Variants in LRP12 observed in about 807,000 individuals in gnomAD.
LRP12 encodes the protein low-density lipoprotein receptor-related protein 12.
In LRP12, 14 loss-of-function variants were observed where a neutral mutation model predicts 66.0. The ratio of observed to expected loss-of-function variants is 0.21; its 90% confidence interval spans 0.14 to 0.33. LRP12 has a LOEUF of 0.33. LRP12 is among the 10% of genes least tolerant of loss of function. LRP12 has a pLI of 1.00. For missense variants in LRP12, 889 were observed against 1,053.4 expected, an observed-to-expected ratio of 0.84 and a Z score of 2.16; for synonymous variants, 357 against 359.1, an observed-to-expected ratio of 0.99 and a Z score of 0.07.
At chr8:104,527,693 G>A (rs1470405199) in intron 2 of LRP12, among the ~76,000 whole-genome samples, 1 of 152,080 alleles carries the variant, frequency 6.6e-6, no homozygotes, top group Admixed American at 6.6e-5. Context: ...GGGGTAAGGG[G>A]AGCGAGGAGG....
intron 2 of LRP12, among the ~76,000 whole-genome samples, chr8:104,531,614 T>C (rs952560012): frequency 5.9e-5 from 9 of 152,100 alleles, no homozygotes; most frequent in Admixed American, 2.0e-4. Flanking sequence ...TAACTTTGTA[T>C]GGAAAGAAAA....
intron 1 of LRP12, among the ~76,000 whole-genome samples, chr8:104,579,376 G>A (rs960915589): frequency 2.6e-5 from 4 of 152,130 alleles, no homozygotes; most frequent in Admixed American, 6.5e-5. Flanking sequence ...TAACCAGGGA[G>A]GTGAAAGATC....
chr8:104,564,860 G>A (rs1294667161), intron 1 of LRP12, among the ~76,000 whole-genome samples: 1 of 151,860 alleles, frequency 6.6e-6, no homozygotes, highest in Non-Finnish European at 1.5e-5. Flanking sequence ...TTGAACCTGG[G>A]AAGTCGAGGT....
At chr8:104,548,352 TA>T (rs1564142257) in intron 1 of LRP12, among the ~76,000 whole-genome samples, 8 of 50,332 alleles carry the variant, frequency 1.6e-4, no homozygotes, top group African/African-American at 8.8e-4. Context: ...TATAAATATA[TA>T]ATATATATTA....
intron 1 of LRP12, chr8:104,566,227 G>C (rs893420851): frequency 1.6e-6 from 1 of 625,014 alleles, no homozygotes; most frequent in Non-Finnish European, 2.5e-6. Flanking sequence ...AAAGTATACA[G>C]AACAGATTAC....
At chr8:104,555,583 A>T (rs905830494) in intron 1 of LRP12, among the ~76,000 whole-genome samples, 2 of 152,216 alleles carry the variant, frequency 1.3e-5, no homozygotes, top group Admixed American at 6.5e-5. Context: ...TTATATAATG[A>T]TAAAAGGACT....
chr8:104,527,395 C>T (rs1364582008), intron 2 of LRP12, among the ~76,000 whole-genome samples: 12 of 150,964 alleles, frequency 7.9e-5, no homozygotes, highest in Admixed American at 2.6e-4. Context: ...ATGTTTACTG[C>T]GGCACTATTC....
At chr8:104,571,695 T>G (rs1812082884) in intron 1 of LRP12, among the ~76,000 whole-genome samples, 1 of 152,204 alleles carries the variant, frequency 6.6e-6, no homozygotes, top group Non-Finnish European at 1.5e-5. Flanking sequence ...TTTACAGCAG[T>G]GTGAAAACAG....
intron 1 of LRP12, among the ~76,000 whole-genome samples, chr8:104,540,286 T>C (rs1811455980): frequency 6.6e-6 from 1 of 152,120 alleles, no homozygotes; most frequent in Non-Finnish European, 1.5e-5. Flanking sequence ...CACCTAAATC[T>C]TGGACTTCTA....
intron 1 of LRP12, among the ~76,000 whole-genome samples, chr8:104,546,388 T>C (rs1811557431): frequency 6.6e-6 from 1 of 152,096 alleles, no homozygotes; most frequent in Non-Finnish European, 1.5e-5. Flanking sequence ...TCTCTGATGT[T>C]CCCTTGTAAT....
chr8:104,495,496 T>C (rs1326506339), intron 5 of LRP12: 6 of 275,850 alleles, frequency 2.2e-5, no homozygotes, highest in Non-Finnish European at 4.1e-5. Context: ...TAATACAAGA[T>C]TTAAAAACTC....
At chr8:104,502,602 A>C (rs188504421) in intron 3 of LRP12, among the ~76,000 whole-genome samples, 2 of 152,318 alleles carry the variant, frequency 1.3e-5, no homozygotes, top group African/African-American at 4.8e-5. Context: ...GAATCTTCAG[A>C]GAACTGGTAG....
At chr8:104,580,571 C>T (rs1450479338) in intron 1 of LRP12, among the ~76,000 whole-genome samples, 3 of 151,582 alleles carry the variant, frequency 2.0e-5, no homozygotes, top group East Asian at 3.9e-4. Flanking sequence ...TAATCTAAAT[C>T]TATAAAGAAC....
At chr8:104,505,020 G>C (rs565536566) in intron 3 of LRP12, 1 of 152,108 alleles carries the variant, frequency 6.6e-6, no homozygotes, top group African/African-American at 2.4e-5. Context: ...ATCTCGTTTT[G>C]TTTTTGTTTA....
intron 2 of LRP12, among the ~76,000 whole-genome samples, chr8:104,527,297 A>G (rs1161522637): frequency 2.7e-5 from 4 of 145,592 alleles, no homozygotes; most frequent in Admixed American, 2.7e-4. Context: ...AGCTAGAACT[A>G]GAAATACCAT....
intron 1 of LRP12, among the ~76,000 whole-genome samples, chr8:104,585,996 C>T (rs556430518): frequency 6.6e-6 from 1 of 152,170 alleles, no homozygotes; most frequent in Non-Finnish European, 1.5e-5. Context: ...TAGGACAATG[C>T]GTAGCAAAGC....
chr8:104,539,971 G>C (rs759099198), intron 1 of LRP12, among the ~76,000 whole-genome samples: 1 of 152,062 alleles, frequency 6.6e-6, no homozygotes, highest in Non-Finnish European at 1.5e-5. Flanking sequence ...GCTTGATAGC[G>C]GAGGCCTCAT....
At chr8:104,526,097 T>C (rs2140857756) in intron 2 of LRP12, among the ~76,000 whole-genome samples, 1 of 152,186 alleles carries the variant, frequency 6.6e-6, no homozygotes, top group Admixed American at 6.5e-5. Context: ...TCAAAGAGAA[T>C]AAAATACTTA....
At chr8:104,540,839 T>C (rs1811465527) in intron 1 of LRP12, among the ~76,000 whole-genome samples, 1 of 152,160 alleles carries the variant, frequency 6.6e-6, no homozygotes, top group African/African-American at 2.4e-5. Flanking sequence ...GTTAAAGCAA[T>C]TCTCCTGCCT....
Sources: allele counts gnomAD v4.1 joint callset (sites outside exome capture counted in the v4.1 genomes callset), GRCh38; gene constraint gnomAD v4.1.1; transcripts MANE v1.5; gene names NCBI Gene and HGNC (gene_info 2026-07-23, HGNC 2026-07-21).